SNX9: variants seen among roughly 807,000 people sequenced by gnomAD.
SNX9 encodes sorting nexin 9.
A neutral mutation model predicts 89.4 loss-of-function variants in SNX9; 44 were observed. That is an observed-to-expected ratio of 0.49 (90% CI 0.39 to 0.63). The LOEUF (loss-of-function observed/expected upper bound fraction) is 0.63. Ranked by LOEUF, SNX9 falls within the 30% of genes least tolerant of loss-of-function variation. The pLI is 0.00. For synonymous variants in SNX9, 236 were observed against 247.8 expected (o/e 0.95, Z 0.45); for missense variants, 578 against 736.1 (o/e 0.79, Z 2.49).
At chr6:157,860,617 A>G (rs1290370329) in intron 1 of SNX9, among the ~76,000 whole-genome samples, 47 of 152,202 alleles carry the variant, frequency 3.1e-4, no homozygotes, top group Admixed American at 3.1e-3. Context: ...TGTGCACCGC[A>G]TATAGAAGCT....
intron 9 of SNX9, among the ~76,000 whole-genome samples, chr6:157,914,542 T>A (rs1783423235): frequency 7.7e-6 from 1 of 129,786 alleles, no homozygotes; most frequent in Admixed American, 9.3e-5. Flanking sequence ...AGTGGCACCA[T>A]CTCAGCTCAC....
intron 4 of SNX9, among the ~76,000 whole-genome samples, chr6:157,893,173 C>G (rs989734689): frequency 6.6e-6 from 1 of 152,188 alleles, no homozygotes; most frequent in Non-Finnish European, 1.5e-5. Flanking sequence ...AAGGGTTTCT[C>G]TTAGCTGAAG....
intron 4 of SNX9, among the ~76,000 whole-genome samples, chr6:157,886,533 A>G (rs1782740478): frequency 6.6e-6 from 1 of 152,240 alleles, no homozygotes; most frequent in Non-Finnish European, 1.5e-5. Flanking sequence ...ATACACACAA[A>G]CATACAGATA....
At chr6:157,879,361 A>AT (rs1156428689) in intron 4 of SNX9, among the ~76,000 whole-genome samples, 1 of 152,140 alleles carries the variant, frequency 6.6e-6, no homozygotes, top group Non-Finnish European at 1.5e-5. Flanking sequence ...TAGAGGTATG[A>AT]TTTTTTTAAA....
intron 5 of SNX9, among the ~76,000 whole-genome samples, chr6:157,900,713 G>A (rs1384736462): frequency 6.6e-6 from 1 of 152,212 alleles, no homozygotes; most frequent in African/African-American, 2.4e-5. Context: ...AGTATACAGA[G>A]ATAAGAATTT....
At chr6:157,871,898 T>G (rs528873233) in intron 2 of SNX9, among the ~76,000 whole-genome samples, 16 of 150,204 alleles carry the variant, frequency 1.1e-4, no homozygotes, top group African/African-American at 2.9e-4. Context: ...TGCCCCAGCC[T>G]CCCGAGTAGC....
intron 6 of SNX9, among the ~76,000 whole-genome samples, chr6:157,904,801 A>G (rs1161276056): frequency 1.3e-5 from 2 of 152,212 alleles, no homozygotes; most frequent in Non-Finnish European, 2.9e-5. Flanking sequence ...AAACTCCTCC[A>G]GGTCCTGAAA....
At chr6:157,875,326 A>G in intron 4 of SNX9, 150 bp downstream of exon 4, 2 of 1,077,354 alleles carry the variant, frequency 1.9e-6, no homozygotes, top group Admixed American at 3.4e-5. Context: ...TCTGTTGGGT[A>G]CTAACAAAGA....
chr6:157,862,378 A>G (rs1782154407), intron 1 of SNX9, among the ~76,000 whole-genome samples: 1 of 152,238 alleles, frequency 6.6e-6, no homozygotes, highest in African/African-American at 2.4e-5. Context: ...AAGTTAAACA[A>G]GCTTGCCATT....
Position 157,898,549 on chromosome 6 carries a change from A to G in SNX9, c.472+1551A>G, listed in dbSNP as rs560109022. Reference sequence around the variant, plus strand: ...CGTGTATGTGGATGGGATGTGGCTCATCCTGCTGGTTTAAGACCTCTGCAT... The same window carrying G: ...CGTGTATGTGGATGGGATGTGGCTCGTCCTGCTGGTTTAAGACCTCTGCAT... On this transcript the variant is annotated intron_variant, in intron 5 of 17. Transcript: ENST00000392185. 2.6e-5 allele frequency among the ~76,000 whole-genome samples: 4 copies of G among 152,294 alleles called. No homozygotes were observed. The South Asian group carries it at 8.3e-4, about 32-fold the overall frequency.
At chr6:157,875,863 G>A (rs1157623447) in intron 4 of SNX9, among the ~76,000 whole-genome samples, 1 of 152,102 alleles carries the variant, frequency 6.6e-6, no homozygotes, top group Non-Finnish European at 1.5e-5. Context: ...TGTTGCTGCT[G>A]GGCACAGTAG....
chr6:157,930,618 C>A (rs1432669062), intron 12 of SNX9, among the ~76,000 whole-genome samples: 3 of 152,160 alleles, frequency 2.0e-5, no homozygotes, highest in Non-Finnish European at 4.4e-5. Context: ...TAGAAATTTG[C>A]ACCCTATTAA....
At chr6:157,837,810 C>T (rs548645539) in intron 1 of SNX9, among the ~76,000 whole-genome samples, 1 of 152,270 alleles carries the variant, frequency 6.6e-6, no homozygotes, top group South Asian at 2.1e-4. Flanking sequence ...GGCAGCAGAT[C>T]GTGAAGCCGT....
intron 9 of SNX9, among the ~76,000 whole-genome samples, chr6:157,913,388 T>C (rs1475795295): frequency 6.6e-6 from 1 of 152,176 alleles, no homozygotes; most frequent in East Asian, 1.9e-4. Context: ...CATAGCTCAC[T>C]GCAGCCTTGA....
intron 1 of SNX9, among the ~76,000 whole-genome samples, chr6:157,865,425 A>C (rs552125748): frequency 2.0e-5 from 3 of 151,286 alleles, no homozygotes; most frequent in African/African-American, 7.3e-5. Context: ...ACACCTCAGC[A>C]TGGCTGCTTT....
chr6:157,909,995 A>G lies in SNX9; in HGVS notation c.919A>G (p.Ile307Val). ...LLVKFGSAIP[I>V]PSLPDKQVTG... Reference sequence around the variant, plus strand: ...GGTTAAGTTTGGGTCAGCCATTCCAATCCCTTCTCTTCCAGACAAACAAGT... The same window carrying G: ...GGTTAAGTTTGGGTCAGCCATTCCAGTCCCTTCTCTTCCAGACAAACAAGT... The change falls in exon 9 of 18, where the codon ATC becomes GTC. Residue 307 changes from isoleucine to valine, a missense_variant. Physicochemically the swap from Ile to Val is conservative, Grantham distance 29. Coordinates refer to ENST00000392185, the MANE Select transcript of SNX9 (RefSeq NM_016224.5). 2 of 1,614,090 alleles carry G rather than the reference A, an allele frequency of 1.2e-6. No homozygotes were observed. Among genetic ancestry groups the G allele is most frequent in the Non-Finnish European group, 1.7e-6 (2 of 1,179,974 alleles).
intron 1 of SNX9, among the ~76,000 whole-genome samples, chr6:157,853,512 A>G (rs1283365092): frequency 6.6e-6 from 1 of 152,062 alleles, no homozygotes; most frequent in African/African-American, 2.4e-5. Flanking sequence ...TTTTGACATT[A>G]CTTCTTCAGA....
chr6:157,907,289 T>G (rs1783236068), intron 7 of SNX9, among the ~76,000 whole-genome samples: 1 of 151,900 alleles, frequency 6.6e-6, no homozygotes, highest in Non-Finnish European at 1.5e-5. Flanking sequence ...TTTGTTTGTT[T>G]GTTTGTTTTT....
chr6:157,926,267 TG>T (rs1441201246), intron 10 of SNX9, among the ~76,000 whole-genome samples: 2 of 152,190 alleles, frequency 1.3e-5, no homozygotes, highest in Non-Finnish European at 2.9e-5. Context: ...GCTTTTGGAA[TG>T]GGAGCTCTTT....
Sources: gnomAD v4.1 joint callset for allele counts (sites outside exome capture counted in the v4.1 genomes callset) on GRCh38, gnomAD v4.1.1 for gene constraint, MANE v1.5 for transcripts, NCBI Gene and HGNC (gene_info 2026-07-23, HGNC 2026-07-21) for gene names.